ISG20: variants seen among roughly 807,000 people sequenced by gnomAD.
ISG20 encodes interferon-stimulated gene 20 kDa protein.
In ISG20, 8 loss-of-function variants were observed where a neutral mutation model predicts 11.1. The ratio of observed to expected loss-of-function variants is 0.72; its 90% confidence interval spans 0.42 to 1.30. ISG20 has a LOEUF of 1.30. Among genes scored for constraint, ISG20 ranks in the 50% most tolerant of loss-of-function variants. The pLI is 0.01. For synonymous variants in ISG20, 110 were observed against 101.7 expected (o/e 1.08, Z -0.49); for missense variants, 243 against 250.2 (o/e 0.97, Z 0.19).
At position 88,639,990 on chromosome 15, in the gene ISG20, A is replaced by T. The variant is rs556618093; in HGVS notation, c.228+396A>T. Among the ~76,000 whole-genome samples the T allele has an allele frequency of 7.9e-5, 12 of 152,332 alleles. No homozygotes were observed. Among genetic ancestry groups the T allele is most frequent in the African/African-American group, 2.9e-4 (12 of 41,574 alleles). On this transcript the variant is annotated intron_variant, in intron 2 of 3. Coordinates refer to ENST00000306072, the MANE Select transcript of ISG20 (RefSeq NM_002201.6). The surrounding 1 kb of genome is among the most constrained non-coding windows in gnomAD (Gnocchi z 4.2). ...TCTGGCAAGAGGCTTTGGCCCTCCCAGTCCTGGAGAACAGGCTGAGCCTCG... is the reference window on the plus strand; with the variant it reads ...TCTGGCAAGAGGCTTTGGCCCTCCCTGTCCTGGAGAACAGGCTGAGCCTCG...
Position 88,643,719 on chromosome 15 carries a change from T to G in ISG20, c.228+4125T>G, listed in dbSNP as rs1449516865. 6.6e-6 allele frequency among the ~76,000 whole-genome samples: 1 copy of G among 151,910 alleles called. No individual in the cohort carries two copies. Among genetic ancestry groups the G allele is most frequent in the African/African-American group, 2.4e-5 (1 of 41,380 alleles). On this transcript the variant is annotated intron_variant, in intron 2 of 3. Transcript: ENST00000306072. The surrounding 1 kb of genome is among the most constrained non-coding windows in gnomAD (Gnocchi z 4.4). ...GACCCCATCTCAAAAAAAGAAAAAA[T>G]TACATCTGTGGCTTGCATTATATTT...
rs978792044 is a variant in ISG20, at chr15:88,643,992, G to T, written c.228+4398G>T. 6.6e-6 allele frequency among the ~76,000 whole-genome samples: 1 copy of T among 152,194 alleles called. No homozygotes were observed. Among genetic ancestry groups the T allele is most frequent in the East Asian group, 1.9e-4 (1 of 5,198 alleles). Reference sequence around the variant, plus strand: ...CTGGAGCATTTGTATTTGGGATGCTGTACCTGTATCAACAGTACAGTGTGG... The same window carrying T: ...CTGGAGCATTTGTATTTGGGATGCTTTACCTGTATCAACAGTACAGTGTGG... On this transcript the variant is annotated intron_variant, in intron 2 of 3. Coordinates refer to ENST00000306072, the MANE Select transcript of ISG20 (RefSeq NM_002201.6). The surrounding 1 kb of genome is among the most constrained non-coding windows in gnomAD (Gnocchi z 4.4).
At chr15:88,641,987 G>T (rs774816600) in intron 2 of ISG20, among the ~76,000 whole-genome samples, 1 of 139,228 alleles carries the variant, frequency 7.2e-6, no homozygotes, top group African/African-American at 2.7e-5. Flanking sequence ...AGGCTGGACT[G>T]CAGTGGCACG....
intron 2 of ISG20, chr15:88,647,773 A>G (rs1171366304): frequency 2.0e-5 from 3 of 152,250 alleles, no homozygotes; most frequent in Admixed American, 2.0e-4. Flanking sequence ...TTTAACGTCA[A>G]CCCAGCATAA....
At chr15:88,649,904 C>G (rs1395180413) in intron 2 of ISG20, 2 of 339,476 alleles carry the variant, frequency 5.9e-6, no homozygotes, top group African/African-American at 2.1e-5. Context: ...GTGACACTGC[C>G]TGTTGACAGT....
chr15:88,638,120 A>G (rs2058014401), upstream of ISG20, among the ~76,000 whole-genome samples: 1 of 152,224 alleles, frequency 6.6e-6, no homozygotes, highest in Non-Finnish European at 1.5e-5. Flanking sequence ...TCTTCATGAC[A>G]CTGGGAGGCA....
In ISG20 at chr15:88,639,025, G is replaced by C. The variant is rs2058031607; in HGVS notation, c.-76G>C. The C allele has an allele frequency of 2.4e-6, 1 of 408,628 alleles. No homozygotes were observed. Among genetic ancestry groups the C allele is most frequent in the African/African-American group, 2.0e-5 (1 of 50,052 alleles). 25.3% of individuals were successfully genotyped at this position (408,628 alleles called of 1,614,324 possible). ...ACCGCTGAGAGCAGCTGCAGTAGCT[G>C]AGCAGTGGCAGCAGAGAGGCAGACG... On this transcript the variant is annotated 5_prime_UTR_variant, in exon 1 of 4. Coordinates refer to ENST00000306072, the MANE Select transcript of ISG20 (RefSeq NM_002201.6). The surrounding 1 kb of genome is among the most constrained non-coding windows in gnomAD (Gnocchi z 4.2).
In ISG20 at chr15:88,652,297, A is replaced by G; in HGVS notation, c.416A>G (p.His139Arg). 1.2e-6 allele frequency: 2 copies of G among 1,612,286 alleles called. No individual in the cohort carries two copies. The highest frequency in any genetic ancestry group is 1.7e-6 in the Non-Finnish European group (2 of 1,179,264). The change falls in exon 3 of 4, where the codon CAC becomes CGC. Residue 139 changes from histidine (H) to arginine (R), a missense_variant. Transcript: ENST00000306072. Reference sequence around the variant, plus strand: ...CGGGTGCTGAGTGAGCGCCTCCTACACAAGAGCATCCAGGTGAGAACCTCC... The same window carrying G: ...CGGGTGCTGAGTGAGCGCCTCCTACGCAAGAGCATCCAGGTGAGAACCTCC... ...SLRVLSERLL[H>R]KSIQNSLLGH...
Position 88,650,571 on chromosome 15 carries a change from C to G in ISG20, c.229-1539C>G. The G allele has an allele frequency of 1.2e-6, 1 of 852,782 alleles. No homozygotes were observed. The highest frequency in any genetic ancestry group is 1.6e-6 in the Non-Finnish European group (1 of 613,610). 52.8% of individuals were successfully genotyped at this position (852,782 alleles called of 1,614,324 possible). On this transcript the variant is annotated intron_variant, in intron 2 of 3. Transcript: ENST00000306072. This position sits in a 1 kb window ranked among gnomAD's most constrained non-coding sequence, Gnocchi z 4.0. ...CAATGTCAATACTTATTTCGCTCGG[C>G]CACCTGCAGTTTGGGCAGGTGCTCT...
chr15:88,640,464 TCC>T (rs2058061350), intron 2 of ISG20, among the ~76,000 whole-genome samples: 2 of 152,174 alleles, frequency 1.3e-5, no homozygotes, highest in Non-Finnish European at 2.9e-5. Flanking sequence ...GCCAGGCAGG[TCC>T]TCAGGAACTG....
intron 3 of ISG20, 56 bp downstream of exon 3, chr15:88,652,366 T>G: frequency 5.7e-6 from 4 of 705,600 alleles, no homozygotes; most frequent in African/African-American, 4.4e-5. Context: ...CTCCCCCTCC[T>G]CCTCACCCAT....
rs1242034016 is a variant in ISG20, at chr15:88,643,740, T to TA, written c.228+4147dup. ...AAAATTACATCTGTGGCTTGCATTA[T>TA]ATTTCTATTGGACAACACTGTTCTA... On this transcript the variant is annotated intron_variant, in intron 2 of 3. Coordinates refer to ENST00000306072, the MANE Select transcript of ISG20 (RefSeq NM_002201.6). This position sits in a 1 kb window ranked among gnomAD's most constrained non-coding sequence, Gnocchi z 4.4. Among the ~76,000 whole-genome samples, 1 of 152,216 alleles carries TA rather than the reference T, an allele frequency of 6.6e-6. No individual in the cohort carries two copies. Among genetic ancestry groups the TA allele is most frequent in the African/African-American group, 2.4e-5 (1 of 41,474 alleles).
At chr15:88,640,973 T>C (rs2058070910) in intron 2 of ISG20, among the ~76,000 whole-genome samples, 3 of 151,800 alleles carry the variant, frequency 2.0e-5, no homozygotes, top group Admixed American at 1.3e-4. Context: ...CTGTTTTGAT[T>C]GTTTTTTTGT....
Position 88,639,636 on chromosome 15 carries a change from C to T in ISG20, c.228+42C>T. On this transcript the variant is annotated intron_variant, in intron 2 of 3. Coordinates refer to ENST00000306072, the MANE Select transcript of ISG20 (RefSeq NM_002201.6). This position sits in a 1 kb window ranked among gnomAD's most constrained non-coding sequence, Gnocchi z 4.2. ...CCAGCAGGGGCTTTGGAAATAACCC[C>T]TCTCCCACTTCCCTGGCCCCTCTTC... The T allele has an allele frequency of 6.7e-7, 1 of 1,499,864 alleles. No individual in the cohort carries two copies. The highest frequency in any genetic ancestry group is 9.3e-7 in the Non-Finnish European group (1 of 1,079,184). The allele number at this position is 1,499,864 out of a possible 1,614,324, so 92.9% of individuals were successfully genotyped here. A position where few individuals can be genotyped will look rare whatever the true frequency, so the allele number is the denominator to read the frequency against.
intron 2 of ISG20, chr15:88,649,605 C>G (rs1030303314): frequency 6.5e-6 from 1 of 153,582 alleles, no homozygotes; most frequent in Admixed American, 6.5e-5. Context: ...CATCTCTCCA[C>G]GCCCCGTGCC....
chr15:88,653,534 G>A (rs1165178376), intron 3 of ISG20, among the ~76,000 whole-genome samples: 1 of 152,188 alleles, frequency 6.6e-6, no homozygotes, highest in Non-Finnish European at 1.5e-5. Flanking sequence ...ATAAGGGCCA[G>A]GCTGGGCTTT....
In ISG20 at chr15:88,650,527, CAA is replaced by C; in HGVS notation, c.229-1580_229-1579del. The C allele has an allele frequency of 7.9e-7, 1 of 1,259,916 alleles. No individual in the cohort carries two copies. Among genetic ancestry groups the C allele is most frequent in the South Asian group, 1.6e-5 (1 of 63,546 alleles). 78.0% of individuals were successfully genotyped at this position (1,259,916 alleles called of 1,614,324 possible). ...TCAAATGGTGCTTGGCAAATCACACCAAAACTTACCGGTTCAAACAATGTCAA... is the reference window on the plus strand; with the variant it reads ...TCAAATGGTGCTTGGCAAATCACACCAACTTACCGGTTCAAACAATGTCAA... On this transcript the variant is annotated intron_variant, in intron 2 of 3. Transcript: ENST00000306072. This position sits in a 1 kb window ranked among gnomAD's most constrained non-coding sequence, Gnocchi z 4.0.
Position 88,655,505 on chromosome 15 carries a change from C to G in ISG20, c.520C>G (p.Leu174Val), listed in dbSNP as rs1158115158. Residue 174 changes from leucine (L) to valine (V), a missense_variant, in exon 4 of 4, where the codon CTG (leucine) becomes GTG (valine). Transcript: ENST00000306072. ...ISQRIRARRG[L>V]PRLAVSD ...CCAGAGAATCCGAGCCCGCCGAGGG[C>G]TGCCCCGCCTGGCTGTGTCAGACTG... is the stretch of plus-strand genomic sequence containing the variant. 6.2e-7 allele frequency: 1 copy of G among 1,613,614 alleles called. No individual in the cohort carries two copies. The highest frequency in any genetic ancestry group is 8.5e-7 in the Non-Finnish European group (1 of 1,179,994).
intron 2 of ISG20, among the ~76,000 whole-genome samples, chr15:88,644,188 A>T (rs538158985): frequency 3.9e-5 from 6 of 152,328 alleles, no homozygotes; most frequent in African/African-American, 1.4e-4. Context: ...TTTCAAGAAA[A>T]CTAGAATGGG....
Sources: gnomAD v4.1 joint callset for allele counts (sites outside exome capture counted in the v4.1 genomes callset) on GRCh38, gnomAD v4.1.1 for gene constraint, Gnocchi (gnomAD v3.1) non-coding constraint, MANE v1.5 for transcripts, NCBI Gene and HGNC (gene_info 2026-07-23, HGNC 2026-07-21) for gene names.